Variants in CSNK2A2IP observed in about 807,000 individuals in gnomAD.
CSNK2A2IP encodes the protein casein kinase II subunit alpha'-interacting protein.
chr3:88,466,083 T>C, the CSNK2A2IP span: 1 of 1,231,610 alleles, frequency 8.1e-7, no homozygotes, highest in Non-Finnish European at 1.0e-6. Context: ...GATCTTTGAG[T>C]TCACCATCAC....
At chr3:88,345,141 C>T in the CSNK2A2IP span, among the ~76,000 whole-genome samples, 2 of 151,970 alleles carry the variant, frequency 1.3e-5, no homozygotes, top group Non-Finnish European at 2.9e-5. Context: ...CTAACTGCCA[C>T]CCTGATCTCT....
At chr3:88,374,027 C>T in the CSNK2A2IP span, among the ~76,000 whole-genome samples, 5 of 151,502 alleles carry the variant, frequency 3.3e-5, no homozygotes, top group East Asian at 9.7e-4. Context: ...TTGGTAAATC[C>T]TATCAAATAT....
chr3:88,367,733 T>G, the CSNK2A2IP span, among the ~76,000 whole-genome samples: 2 of 152,110 alleles, frequency 1.3e-5, no homozygotes, highest in Non-Finnish European at 2.9e-5. Context: ...CTGATACTGC[T>G]GAACAGAACT....
At chr3:88,461,300 T>A in the CSNK2A2IP span, among the ~76,000 whole-genome samples, 1 of 152,126 alleles carries the variant, frequency 6.6e-6, no homozygotes. Flanking sequence ...ACGCCTGTAA[T>A]CCCAGCAGTT....
chr3:88,341,932 G>A, the CSNK2A2IP span, among the ~76,000 whole-genome samples: 1 of 151,872 alleles, frequency 6.6e-6, no homozygotes, highest in African/African-American at 2.4e-5. Flanking sequence ...CTCTTGATAA[G>A]CAGAGGATTA....
the CSNK2A2IP span, among the ~76,000 whole-genome samples, chr3:88,445,183 C>T: frequency 6.7e-6 from 1 of 148,640 alleles, no homozygotes; most frequent in Non-Finnish European, 1.5e-5. Flanking sequence ...AGTTTCTGCA[C>T]TTTGGGACGC....
the CSNK2A2IP span, among the ~76,000 whole-genome samples, chr3:88,459,182 A>G: frequency 5.2e-4 from 79 of 152,294 alleles, no homozygotes; most frequent in Middle Eastern, 3.4e-3. Flanking sequence ...AATACAAAAG[A>G]ACTAGACATA....
At chr3:88,355,927 C>T in the CSNK2A2IP span, among the ~76,000 whole-genome samples, 1 of 151,804 alleles carries the variant, frequency 6.6e-6, no homozygotes, top group East Asian at 1.9e-4. Context: ...CATAGTTAAC[C>T]GATGCTCTTT....
At chr3:88,407,555 C>T in the CSNK2A2IP span, among the ~76,000 whole-genome samples, 160 of 152,200 alleles carry the variant, frequency 1.1e-3, no homozygotes, top group African/African-American at 3.8e-3. Context: ...GTCAGTGTGT[C>T]ATGCCTACCC....
the CSNK2A2IP span, among the ~76,000 whole-genome samples, chr3:88,353,062 G>C: frequency 2.0e-5 from 3 of 152,222 alleles, no homozygotes; most frequent in African/African-American, 7.2e-5. Flanking sequence ...AAACTCTCTT[G>C]AGAAATACTT....
the CSNK2A2IP span, among the ~76,000 whole-genome samples, chr3:88,450,948 T>C: frequency 6.6e-6 from 1 of 152,194 alleles, no homozygotes; most frequent in Non-Finnish European, 1.5e-5. Flanking sequence ...ATACTGACTG[T>C]GTCAATCTAC....
At chr3:88,348,831 C>A in the CSNK2A2IP span, among the ~76,000 whole-genome samples, 1 of 151,878 alleles carries the variant, frequency 6.6e-6, no homozygotes, top group African/African-American at 2.4e-5. Context: ...GAAATGAGCC[C>A]CATCTCAATG....
the CSNK2A2IP span, among the ~76,000 whole-genome samples, chr3:88,378,335 C>A: frequency 6.6e-6 from 1 of 151,664 alleles, no homozygotes; most frequent in Non-Finnish European, 1.5e-5. Context: ...ATGAACTGAA[C>A]TTCTGAATAC....
the CSNK2A2IP span, among the ~76,000 whole-genome samples, chr3:88,366,976 A>G: frequency 6.6e-6 from 1 of 152,052 alleles, no homozygotes; most frequent in South Asian, 2.1e-4. Flanking sequence ...CTTGAGACTT[A>G]TTCACTACCA....
the CSNK2A2IP span, among the ~76,000 whole-genome samples, chr3:88,418,911 C>T: frequency 5.9e-5 from 9 of 152,128 alleles, no homozygotes; most frequent in African/African-American, 1.4e-4. Context: ...TCATGGCTCA[C>T]GTTACCACCT....
At chr3:88,397,114 A>G in the CSNK2A2IP span, among the ~76,000 whole-genome samples, 1 of 152,206 alleles carries the variant, frequency 6.6e-6, no homozygotes, top group Non-Finnish European at 1.5e-5. Flanking sequence ...TGAGTAGAAG[A>G]TAAACATTTA....
the CSNK2A2IP span, among the ~76,000 whole-genome samples, chr3:88,383,368 C>T: frequency 0.029 from 4,410 of 152,276 alleles, 228 homozygotes; most frequent in African/African-American, 0.099. Context: ...TTTCTGAGGT[C>T]AGAATTTTTA....
At chr3:88,380,824 A>G in the CSNK2A2IP span, among the ~76,000 whole-genome samples, 1 of 152,200 alleles carries the variant, frequency 6.6e-6, no homozygotes, top group Non-Finnish European at 1.5e-5. Context: ...ATCTAATGAT[A>G]AAGTTTTTAG....
the CSNK2A2IP span, among the ~76,000 whole-genome samples, chr3:88,371,180 G>A: frequency 6.6e-6 from 1 of 151,850 alleles, no homozygotes; most frequent in African/African-American, 2.4e-5. Context: ...AAAGTGTGAT[G>A]CATATGCAGG....
Sources: gnomAD v4.1 joint callset for allele counts (sites outside exome capture counted in the v4.1 genomes callset) on GRCh38, gnomAD v4.1.1 for gene constraint, MANE v1.5 for transcripts, NCBI Gene and HGNC (gene_info 2026-07-23, HGNC 2026-07-21) for gene names.